The following CASR variants were observed in gnomAD, a reference collection of about 807,000 sequenced individuals.
The protein encoded by CASR is extracellular calcium-sensing receptor.
CASR carries 23 observed loss-of-function variants against 69.1 expected under a neutral mutation model. The observed-to-expected ratio is 0.33, with a 90% CI of 0.24 to 0.47. The LOEUF is 0.47. CASR is among the 20% of genes least tolerant of loss of function. The pLI, the probability that CASR is intolerant of heterozygous loss-of-function variation, is 1.00. For missense variants in CASR, 924 were observed against 1,356.1 expected (o/e 0.68, Z 5.00); for synonymous variants, 541 against 544.7 (o/e 0.99, Z 0.10).
intron 1 of CASR, among the ~76,000 whole-genome samples, chr3:122,196,684 G>A (rs867239377): frequency 3.9e-5 from 6 of 152,092 alleles, no homozygotes; most frequent in South Asian, 2.1e-4. Flanking sequence ...GACTACAGGC[G>A]TGCCCCACCA....
chr3:122,261,597 C>A lies in CASR; in HGVS notation c.562C>A (p.Pro188Thr), dbSNP rs778535491. ...NQFKSFLRTI[P>T]NDEHQATAMA... is the part of the protein sequence containing the mutation. Reference sequence around the variant, plus strand: ...ATTCAAGTCTTTCCTCCGAACCATCCCCAATGATGAGCACCAGGCCACTGC... The same window carrying A: ...ATTCAAGTCTTTCCTCCGAACCATCACCAATGATGAGCACCAGGCCACTGC... Residue 188 changes from proline (P) to threonine (T), a missense_variant, in exon 4 of 7, where the codon CCC (proline) becomes ACC (threonine). Around this residue, in one of 8 missense-constraint regions of CASR, gnomAD observed 141 missense variants for 283.0 expected, o/e 0.50. Transcript: ENST00000639785. The A allele has an allele frequency of 9.3e-6, 15 of 1,614,176 alleles. No individual in the cohort carries two copies. Among genetic ancestry groups the A allele is most frequent in the Non-Finnish European group, 1.3e-5 (15 of 1,180,000 alleles).
At chr3:122,275,404 A>G (rs1464944471) in intron 4 of CASR, among the ~76,000 whole-genome samples, 1 of 152,176 alleles carries the variant, frequency 6.6e-6, no homozygotes, top group East Asian at 1.9e-4. Context: ...GCACTCAGTC[A>G]TTTCTCCTGT....
In CASR at chr3:122,284,297, C is replaced by T. The variant is rs1553769084; in HGVS notation, c.2343C>T (p.Cys781=). 1.9e-6 allele frequency: 3 copies of T among 1,614,174 alleles called. No individual in the cohort carries two copies. Among genetic ancestry groups the T allele is most frequent in the Admixed American group, 1.7e-5 (1 of 60,030 alleles). ...TGGGCTTCCTGATCGGCTACACCTGCCTGCTGGCTGCCATCTGCTTCTTCT... is the reference window on the plus strand; with the variant it reads ...TGGGCTTCCTGATCGGCTACACCTGTCTGCTGGCTGCCATCTGCTTCTTCT... ...MALGFLIGYT[C]LLAAICFFFA... The change falls in exon 7 of 7, where the codon TGC becomes TGT. Residue 781 remains cysteine (C), a synonymous_variant. Transcript: ENST00000639785.
At chr3:122,215,109 C>T (rs1289412808) in intron 1 of CASR, among the ~76,000 whole-genome samples, 1 of 151,704 alleles carries the variant, frequency 6.6e-6, no homozygotes, top group East Asian at 1.9e-4. Context: ...AAAGTCTTTG[C>T]CTATGCACTT....
chr3:122,204,856 A>G (rs1169015244), intron 1 of CASR, among the ~76,000 whole-genome samples: 1 of 152,040 alleles, frequency 6.6e-6, no homozygotes, highest in Non-Finnish European at 1.5e-5. Flanking sequence ...TATACTTGTC[A>G]ACCATTTGTA....
At chr3:122,212,704 C>G (rs902477884) in intron 1 of CASR, among the ~76,000 whole-genome samples, 1 of 150,836 alleles carries the variant, frequency 6.6e-6, no homozygotes, top group Non-Finnish European at 1.5e-5. Flanking sequence ...TGTAATGGCG[C>G]GATCTCGGCT....
intron 1 of CASR, among the ~76,000 whole-genome samples, chr3:122,252,433 G>GAAAGAAAGAAAGAAAT: frequency 1.3e-5 from 1 of 77,486 alleles, no homozygotes; most frequent in Non-Finnish European, 2.5e-5. Flanking sequence ...AAGAAAGAAA[G>GAAAGAAAGAAAGAAAT]AAAGAAAGAA....
chr3:122,234,430 T>A lies in CASR; in HGVS notation c.-242-19518T>A, dbSNP rs536628360. Among the ~76,000 whole-genome samples the A allele has an allele frequency of 2.0e-4, 31 of 152,326 alleles. No individual in the cohort carries two copies. In the South Asian group the frequency reaches 6.4e-3, roughly 32 times the overall value. ...GGGCACAGCTGAATAAGAAGAGGAATAATAACCTTTGCCCATTACTTTCTA... is the reference window on the plus strand; with the variant it reads ...GGGCACAGCTGAATAAGAAGAGGAAAAATAACCTTTGCCCATTACTTTCTA... On this transcript the variant is annotated intron_variant, in intron 1 of 6. Coordinates refer to ENST00000639785, the MANE Select transcript of CASR (RefSeq NM_000388.4).
At chr3:122,278,776 T>C (rs1423396448) in intron 5 of CASR, among the ~76,000 whole-genome samples, 1 of 152,182 alleles carries the variant, frequency 6.6e-6, no homozygotes, top group African/African-American at 2.4e-5. Context: ...AAGACTGACC[T>C]GAGCGCGAAT....
Position 122,283,697 on chromosome 3 carries a change from C to G in CASR, c.1743C>G (p.Ala581=). 2 of 1,613,966 alleles carry G rather than the reference C, an allele frequency of 1.2e-6. No homozygotes were observed. Among genetic ancestry groups the G allele is most frequent in the Non-Finnish European group, 1.7e-6 (2 of 1,179,826 alleles). Residue 581 remains alanine (A), a synonymous_variant, in exon 7 of 7, where the codon GCC becomes GCG. Coordinates refer to ENST00000639785, the MANE Select transcript of CASR (RefSeq NM_000388.4). ...TGGGACATTTTACAGATGCCAGTGC[C>G]TGTAACAAGTGCCCAGATGACTTCT... ...GEYSDETDAS[A]CNKCPDDFWS...
chr3:122,272,736 C>T (rs913752623), intron 4 of CASR, among the ~76,000 whole-genome samples: 1 of 152,268 alleles, frequency 6.6e-6, no homozygotes, highest in East Asian at 1.9e-4. Context: ...CAGTTCAGAA[C>T]ACACAGTGGA....
intron 6 of CASR, 85 bp from the exon 7 acceptor site, chr3:122,283,602 C>T: frequency 9.2e-7 from 1 of 1,092,076 alleles, no homozygotes; most frequent in African/African-American, 1.5e-5. Flanking sequence ...ATCCAAAAAA[C>T]TATGTATTCC....
intron 1 of CASR, among the ~76,000 whole-genome samples, chr3:122,225,580 T>C (rs1320608481): frequency 6.9e-6 from 1 of 144,242 alleles, no homozygotes; most frequent in East Asian, 2.0e-4. Context: ...AAAACAGATG[T>C]TGGGGAGTTT....
Position 122,254,419 on chromosome 3 carries a change from G to A in CASR, c.185+45G>A, listed in dbSNP as rs1232614330. 6.3e-6 allele frequency: 10 copies of A among 1,582,426 alleles called. No individual in the cohort carries two copies. In the African/African-American group the frequency reaches 1.3e-4, roughly 21 times the overall value. ...CTGCCAATCTCTTCTCTTCTGAGTG[G>A]TTGGAGAAAAGCTGCACCAAACGCA... On this transcript the variant is annotated intron_variant, in intron 2 of 6. Coordinates refer to ENST00000639785, the MANE Select transcript of CASR (RefSeq NM_000388.4).
At chr3:122,192,253 A>G (rs913362208) in intron 1 of CASR, among the ~76,000 whole-genome samples, 14 of 152,222 alleles carry the variant, frequency 9.2e-5, no homozygotes, top group Non-Finnish European at 7.3e-5. Flanking sequence ...ACTGTCATGT[A>G]ACTCTGCCCT....
Position 122,219,041 on chromosome 3 carries a change from C to T in CASR, c.-242-34907C>T, listed in dbSNP as rs34130549. Among the ~76,000 whole-genome samples the T allele has an allele frequency of 1.5e-3, 231 of 151,900 alleles. 1 individual carries two copies. Among genetic ancestry groups the T allele is most frequent in the African/African-American group, 5.6e-3 (230 of 41,400 alleles). Reference sequence around the variant, plus strand: ...GGAATAGGTGGGAAATTAGGGTGGCCGGAAATAGTGAGCAAGGAGGAATTG... The same window carrying T: ...GGAATAGGTGGGAAATTAGGGTGGCTGGAAATAGTGAGCAAGGAGGAATTG... On this transcript the variant is annotated intron_variant, in intron 1 of 6. Transcript: ENST00000639785.
At chr3:122,207,801 A>C (rs1421420923) in intron 1 of CASR, among the ~76,000 whole-genome samples, 1 of 152,164 alleles carries the variant, frequency 6.6e-6, no homozygotes, top group African/African-American at 2.4e-5. Context: ...CTTGTAATAA[A>C]CTTCATTCCT....
chr3:122,190,086 G>C (rs558263547), intron 1 of CASR, among the ~76,000 whole-genome samples: 75 of 152,080 alleles, frequency 4.9e-4, no homozygotes, highest in Non-Finnish European at 1.0e-4. Context: ...GGTGCAAGCT[G>C]ATCTTAAACA....
chr3:122,284,514 T>G lies in CASR; in HGVS notation c.2560T>G (p.Phe854Val). The stretch of plus-strand genomic sequence containing the variant: ...CTTTGGCTTGCTGGCGTGCATCTTC[T>G]TCAACAAGATCTACATCATTCTCTT... ...ASFGLLACIF[F>V]NKIYIILFKP... The change falls in exon 7 of 7, where the codon TTC (phenylalanine) becomes GTC (valine). Residue 854 changes from phenylalanine (F) to valine (V), a missense_variant. Phe to Val is a conservative substitution (Grantham distance 50). Transcript: ENST00000639785. 1 of 1,613,368 alleles carries G rather than the reference T, an allele frequency of 6.2e-7. No homozygotes were observed. The highest frequency in any genetic ancestry group is 2.2e-5 in the East Asian group (1 of 44,858).
Sources: gnomAD v4.1 joint callset for allele counts (sites outside exome capture counted in the v4.1 genomes callset) on GRCh38, gnomAD v4.1.1 for gene constraint, gnomAD v4.1.1 regional missense constraint, MANE v1.5 for transcripts, NCBI Gene and HGNC (gene_info 2026-07-23, HGNC 2026-07-21) for gene names.